Variants in RARS2 observed in about 807,000 individuals in gnomAD.
The protein encoded by RARS2 is probable arginine--tRNA ligase, mitochondrial.
RARS2 carries 67 observed loss-of-function variants against 88.5 expected under a neutral mutation model. The observed-to-expected ratio is 0.76, with a 90% CI of 0.62 to 0.93. The LOEUF is 0.93. RARS2 is among the 40% of genes least tolerant of loss of function. The pLI is 0.00. For synonymous variants in RARS2, 239 were observed against 230.3 expected, an observed-to-expected ratio of 1.04 and a Z score of -0.34; for missense variants, 664 against 684.2, an observed-to-expected ratio of 0.97 and a Z score of 0.33.
chr6:87,574,769 G>GA (rs1333069277), intron 1 of RARS2, among the ~76,000 whole-genome samples: 1 of 151,858 alleles, frequency 6.6e-6, no homozygotes, highest in Non-Finnish European at 1.5e-5. Flanking sequence ...AAGACAAGAT[G>GA]AAAAAACAGG....
chr6:87,519,360 T>C (rs1773058987), intron 14 of RARS2: 2 of 495,364 alleles, frequency 4.0e-6, no homozygotes, highest in Admixed American at 3.2e-5. Flanking sequence ...AAGCTGTTCA[T>C]GAAAAGAGGA....
chr6:87,578,116 C>G (rs111282967), intron 1 of RARS2, among the ~76,000 whole-genome samples: 10,423 of 149,744 alleles, frequency 0.07, 505 homozygotes, highest in African/African-American at 0.11. Context: ...GACCCCCCCC[C>G]CCGCCATCTC....
At chr6:87,533,375 T>G (rs964273464) in intron 8 of RARS2, among the ~76,000 whole-genome samples, 1 of 152,220 alleles carries the variant, frequency 6.6e-6, no homozygotes, top group African/African-American at 2.4e-5. Flanking sequence ...AGAAGAGCTT[T>G]AATAAGCACT....
intron 7 of RARS2, among the ~76,000 whole-genome samples, chr6:87,542,289 A>C (rs931084437): frequency 1.3e-5 from 2 of 152,210 alleles, no homozygotes; most frequent in African/African-American, 4.8e-5. Flanking sequence ...TTGTACTAAC[A>C]GTGCTGAACA....
intron 8 of RARS2, among the ~76,000 whole-genome samples, chr6:87,536,294 C>A (rs939647994): frequency 6.6e-6 from 1 of 152,024 alleles, no homozygotes; most frequent in Admixed American, 6.6e-5. Flanking sequence ...AATGATGACA[C>A]CCTCATATCC....
In RARS2 at chr6:87,562,699, T is replaced by C. The variant is rs751666805; in HGVS notation, c.297+3A>G. On this transcript the variant is annotated splice_donor_region_variant and intron_variant, in intron 4 of 19. Transcript: ENST00000369536. ...CAATGGCTGGATATTAACTTATTCT[T>C]ACCTTTGTTAAGAGCTCTCTGTTTA... is the stretch of plus-strand genomic sequence containing the variant. The C allele has an allele frequency of 1.3e-6, 2 of 1,595,912 alleles. No individual in the cohort carries two copies. The highest frequency in any genetic ancestry group is 1.7e-6 in the Non-Finnish European group (2 of 1,163,488).
At chr6:87,519,561 A>G (rs1030291131) in intron 14 of RARS2, 22 bp downstream of exon 14, 16 of 1,604,512 alleles carry the variant, frequency 1.0e-5, no homozygotes, top group Admixed American at 3.3e-5. Context: ...TTATGACTTT[A>G]ATAAGAAAAA....
chr6:87,522,819 C>T (rs553297874), intron 11 of RARS2, among the ~76,000 whole-genome samples: 5 of 152,218 alleles, frequency 3.3e-5, no homozygotes, highest in Admixed American at 1.3e-4. Context: ...TATATTGTCC[C>T]GGCTGCTTTC....
intron 11 of RARS2, among the ~76,000 whole-genome samples, chr6:87,522,333 TA>T (rs34710568): frequency 0.15 from 13,727 of 88,618 alleles, 684 homozygotes; most frequent in African/African-American, 0.25. Context: ...CCGTCTCAAT[TA>T]AAAAAAAAAA....
chr6:87,582,146 G>T (rs899219949), intron 1 of RARS2, among the ~76,000 whole-genome samples: 1 of 152,114 alleles, frequency 6.6e-6, no homozygotes, highest in African/African-American at 2.4e-5. Context: ...TGGGCCAGAT[G>T]ATATTTCTGG....
chr6:87,546,309 G>A (rs377379436), intron 6 of RARS2, among the ~76,000 whole-genome samples: 49 of 152,240 alleles, frequency 3.2e-4, no homozygotes, highest in Non-Finnish European at 6.5e-4. Flanking sequence ...AGTCTCCTGT[G>A]GTTAGAGTTC....
intron 1 of RARS2, among the ~76,000 whole-genome samples, chr6:87,584,412 T>G (rs903626217): frequency 6.6e-6 from 1 of 152,186 alleles, no homozygotes; most frequent in Non-Finnish European, 1.5e-5. Flanking sequence ...CTCATTACAT[T>G]TTATTAATAG....
At chr6:87,576,610 T>C (rs1258683544) in intron 1 of RARS2, among the ~76,000 whole-genome samples, 1 of 152,008 alleles carries the variant, frequency 6.6e-6, no homozygotes, top group African/African-American at 2.4e-5. Context: ...ACCTATTGTG[T>C]AAGGTAAGAG....
At chr6:87,586,337 ATGTC>A (rs1391399163) in intron 1 of RARS2, among the ~76,000 whole-genome samples, 2 of 152,184 alleles carry the variant, frequency 1.3e-5, no homozygotes, top group South Asian at 2.1e-4. Flanking sequence ...TGCTTTCCAG[ATGTC>A]TGTGTCTATG....
chr6:87,565,392 A>AAT (rs1767561044), intron 2 of RARS2, among the ~76,000 whole-genome samples: 1 of 152,234 alleles, frequency 6.6e-6, no homozygotes, highest in African/African-American at 2.4e-5. Flanking sequence ...GTGAAAAAAA[A>AAT]ATACAAAAAC....
In RARS2 at chr6:87,555,988, G is replaced by C. The variant is rs544613512; in HGVS notation, c.298-483C>G. ...TTTAACAAAGAAAGAAAAGTACTGA[G>C]GGATTAAATAGTGCAGAAAAGAACT... On this transcript the variant is annotated intron_variant, in intron 4 of 19. Transcript: ENST00000369536. 3.9e-4 allele frequency among the ~76,000 whole-genome samples: 60 copies of C among 152,214 alleles called. 1 individual carries two copies. The highest frequency in any genetic ancestry group is 7.6e-4 in the Non-Finnish European group (52 of 68,030).
At chr6:87,528,358 C>CA (rs1441573017) in intron 10 of RARS2, among the ~76,000 whole-genome samples, 3 of 151,902 alleles carry the variant, frequency 2.0e-5, no homozygotes, top group Non-Finnish European at 4.4e-5. Context: ...GGAGGTTCCT[C>CA]AAAAAACAGA....
intron 2 of RARS2, chr6:87,564,805 C>G (rs894531966): frequency 5.8e-6 from 1 of 171,526 alleles, no homozygotes; most frequent in African/African-American, 2.4e-5. Context: ...GGGCACAGAT[C>G]CCAGCACTTT....
chr6:87,559,707 A>G (rs1027366203), intron 4 of RARS2, among the ~76,000 whole-genome samples: 5 of 152,196 alleles, frequency 3.3e-5, no homozygotes, highest in Non-Finnish European at 7.3e-5. Flanking sequence ...TTATGATACA[A>G]GGAAAAATAT....
Sources: allele counts gnomAD v4.1 joint callset (sites outside exome capture counted in the v4.1 genomes callset), GRCh38; gene constraint gnomAD v4.1.1; transcripts MANE v1.5; gene names NCBI Gene and HGNC (gene_info 2026-07-23, HGNC 2026-07-21).